Variants in ASAP2 observed in about 807,000 individuals in gnomAD.
The protein encoded by ASAP2 is arf-GAP with SH3 domain, ANK repeat and PH domain-containing protein 2.
A neutral mutation model predicts 131.4 loss-of-function variants in ASAP2; 45 were observed. The observed-to-expected ratio is 0.34, with a 90% CI of 0.27 to 0.44. The LOEUF is 0.44. Ranked by LOEUF, ASAP2 falls within the 20% of genes least tolerant of loss-of-function variation. ASAP2 has a pLI of 1.00. For missense variants in ASAP2, 1,011 were observed against 1,297.0 expected, an observed-to-expected ratio of 0.78 and a Z score of 3.39; for synonymous variants, 510 against 503.0, an observed-to-expected ratio of 1.01 and a Z score of -0.19.
intron 22 of ASAP2, 147 bp downstream of exon 22, chr2:9,388,693 A>G: frequency 1.6e-6 from 2 of 1,218,114 alleles, no homozygotes; most frequent in South Asian, 1.7e-5. Flanking sequence ...AAGGGATTCC[A>G]TCATTCTTAT....
rs116229781 is a variant in ASAP2 at position 9,381,967 on chromosome 2, G to A, written c.2016+1159G>A. ...CTCTTTCTAAGCACTGTACATCCACGAGCTCATTTAATCTTTTTTTTTTTT... is the reference window on the plus strand; with the variant it reads ...CTCTTTCTAAGCACTGTACATCCACAAGCTCATTTAATCTTTTTTTTTTTT... On this transcript the variant is annotated intron_variant, in intron 20 of 27. Transcript: ENST00000281419. 5.1e-3 allele frequency among the ~76,000 whole-genome samples: 762 copies of A among 149,768 alleles called. 9 individuals are homozygous for A. The highest frequency in any genetic ancestry group is 0.018 in the African/African-American group (736 of 40,376).
At chr2:9,282,443 G>A (rs1199487463) in intron 2 of ASAP2, among the ~76,000 whole-genome samples, 1 of 152,204 alleles carries the variant, frequency 6.6e-6, no homozygotes, top group East Asian at 1.9e-4. Context: ...ACTGCTTTTA[G>A]TAGCACGTTC....
At chr2:9,338,218 T>C (rs916461565) in intron 9 of ASAP2, among the ~76,000 whole-genome samples, 1 of 152,192 alleles carries the variant, frequency 6.6e-6, no homozygotes, top group Non-Finnish European at 1.5e-5. Flanking sequence ...GATCAGGCTC[T>C]GGGGCATGGT....
chr2:9,254,525 GGATTTTTTTTTTT>G (rs1665009218), intron 1 of ASAP2, among the ~76,000 whole-genome samples: 2 of 81,314 alleles, frequency 2.5e-5, no homozygotes, highest in East Asian at 5.5e-4. Flanking sequence ...GCTAATTTTT[GGATTTTTTTTTTT>G]TTTTTTTTTT....
At chr2:9,254,237 ATATAT>A (rs1316832604) in intron 1 of ASAP2, among the ~76,000 whole-genome samples, 2 of 36,688 alleles carry the variant, frequency 5.5e-5, no homozygotes, top group African/African-American at 2.0e-4. Flanking sequence ...AAAAAAAAAA[ATATAT>A]ATATATATAT....
chr2:9,318,411 G>A, intron 3 of ASAP2, 113 bp from the exon 4 acceptor site: 1 of 759,592 alleles, frequency 1.3e-6, no homozygotes, highest in Admixed American at 2.1e-5. Flanking sequence ...GCACCGGCCA[G>A]GTTTTAGGTG....
At chr2:9,334,909 C>A in intron 8 of ASAP2, 96 bp downstream of exon 8, 1 of 1,445,428 alleles carries the variant, frequency 6.9e-7, no homozygotes, top group Non-Finnish European at 9.6e-7. Flanking sequence ...TGTTTTCATG[C>A]CGTGCCGCCC....
chr2:9,235,838 C>T (rs540806835), intron 1 of ASAP2, among the ~76,000 whole-genome samples: 1 of 152,268 alleles, frequency 6.6e-6, no homozygotes, highest in South Asian at 2.1e-4. Flanking sequence ...ATGCAGCCGG[C>T]AATGCCTTCC....
chr2:9,350,816 GCCT>G lies in ASAP2; in HGVS notation c.1036_1038del (p.Pro346del). ...TTTTTGCTTTTAAACAGGCTAACCG[GCCT>G]CCTGCAAAGCTCAACCTGCTAACCT... On this transcript the variant is annotated inframe_deletion, in exon 12 of 28. Transcript: ENST00000281419. 6.2e-7 allele frequency: 1 copy of G among 1,612,994 alleles called. No homozygotes were observed. The highest frequency in any genetic ancestry group is 8.5e-7 in the Non-Finnish European group (1 of 1,179,398).
rs769441711 is a variant in ASAP2 at position 9,374,902 on chromosome 2, T to C, written c.1704T>C (p.Asp568=). Reference sequence around the variant, plus strand: ...TTGGATTGCTCCAAGCTTATGCTGATGGTGTGGATCTTACGGAAAAAATCC... The same window carrying C: ...TTGGATTGCTCCAAGCTTATGCTGACGGTGTGGATCTTACGGAAAAAATCC... ...DIFGLLQAYA[D]GVDLTEKIPL... Residue 568 remains aspartate, a synonymous_variant, in exon 17 of 28, where the codon GAT becomes GAC. Transcript: ENST00000281419. 1 of 1,613,166 alleles carries C rather than the reference T, an allele frequency of 6.2e-7. No homozygotes were observed. Among genetic ancestry groups the C allele is most frequent in the Non-Finnish European group, 8.5e-7 (1 of 1,179,826 alleles).
intron 1 of ASAP2, among the ~76,000 whole-genome samples, chr2:9,219,298 A>ACAT (rs1401244055): frequency 9.2e-5 from 14 of 152,270 alleles, no homozygotes; most frequent in African/African-American, 3.1e-4. Context: ...TTGCCCTGTG[A>ACAT]TTCGGTTGTG....
intron 15 of ASAP2, among the ~76,000 whole-genome samples, chr2:9,359,257 C>T (rs1023817801): frequency 3.9e-5 from 6 of 152,224 alleles, no homozygotes; most frequent in Non-Finnish European, 8.8e-5. Flanking sequence ...TTATCACCAG[C>T]GATTTCTGAC....
intron 23 of ASAP2, 29 bp downstream of exon 23, chr2:9,391,225 C>T (rs1675695640): frequency 1.9e-6 from 3 of 1,592,530 alleles, no homozygotes; most frequent in Non-Finnish European, 2.6e-6. Context: ...TCCTTTCTTG[C>T]CCGTGGGCTT....
chr2:9,270,785 A>ATTTTTTTTTTCTT (rs1666301780), intron 1 of ASAP2, among the ~76,000 whole-genome samples: 1 of 52,924 alleles, frequency 1.9e-5, no homozygotes, highest in African/African-American at 7.2e-5. Flanking sequence ...AATTGTTTTC[A>ATTTTTTTTTTCTT]TTTTTTTTTT....
chr2:9,220,132 C>T (rs986378028), intron 1 of ASAP2, among the ~76,000 whole-genome samples: 2 of 152,070 alleles, frequency 1.3e-5, no homozygotes, highest in Admixed American at 6.6e-5. Context: ...GGGTTGCCTC[C>T]ACTTTTAGGC....
rs80317053 is a variant in ASAP2 at position 9,273,561 on chromosome 2, C to T, written c.127-5756C>T. Among the ~76,000 whole-genome samples the T allele has an allele frequency of 5.9e-4, 90 of 152,290 alleles. 1 individual carries two copies. The East Asian group carries it at 0.016, about 27-fold the overall frequency. ...AGGAAACTGGAATTTTATTATTATT[C>T]GAATCAGTCTCCTGGAGCATTCGGG... On this transcript the variant is annotated intron_variant, in intron 1 of 27. Coordinates refer to ENST00000281419, the MANE Select transcript of ASAP2 (RefSeq NM_003887.3).
chr2:9,323,027 G>A, intron 5 of ASAP2, 94 bp from the exon 6 acceptor site: 1 of 1,488,698 alleles, frequency 6.7e-7, no homozygotes, highest in Admixed American at 1.8e-5. Context: ...GTGAGCGTTG[G>A]TCTCGCCAGG....
intron 1 of ASAP2, among the ~76,000 whole-genome samples, chr2:9,243,466 G>A (rs1558260742): frequency 2.0e-5 from 3 of 152,144 alleles, no homozygotes; most frequent in South Asian, 2.1e-4. Context: ...TGTTGTTTAG[G>A]AACTCAGACG....
rs113509261 is a variant in ASAP2 at position 9,369,207 on chromosome 2, CAG to C, written c.1556+691_1556+692del. The stretch of plus-strand genomic sequence containing the variant: ...CTAATTTTTATATTTTTAGTAGAGA[CAG>C]AGTTTCACCATGTTGGCCAGGCTGG... On this transcript the variant is annotated intron_variant, in intron 16 of 27. Transcript: ENST00000281419. 6.6e-3 allele frequency among the ~76,000 whole-genome samples: 1,011 copies of C among 152,228 alleles called. 11 individuals carry two copies. The highest frequency in any genetic ancestry group is 0.023 in the African/African-American group (956 of 41,542).
Sources: gnomAD v4.1 joint callset for allele counts (sites outside exome capture counted in the v4.1 genomes callset) on GRCh38, gnomAD v4.1.1 for gene constraint, MANE v1.5 for transcripts, NCBI Gene and HGNC (gene_info 2026-07-23, HGNC 2026-07-21) for gene names.